The following FLRT1 variants were observed in gnomAD, a reference collection of about 807,000 sequenced individuals.
The protein encoded by FLRT1 is fibronectin leucine rich transmembrane protein 1, also known as leucine-rich repeat transmembrane protein FLRT1.
In FLRT1, 14 loss-of-function variants were observed where a neutral mutation model predicts 30.9. The observed-to-expected ratio is 0.45, with a 90% confidence interval of 0.30 to 0.71. The LOEUF (loss-of-function observed/expected upper bound fraction) is 0.71, where lower values mean the gene tolerates loss of function less well. Ranked by LOEUF, FLRT1 falls within the 30% of genes least tolerant of loss-of-function variation. FLRT1 has a pLI of 0.08. For synonymous variants in FLRT1, 368 were observed against 430.4 expected (o/e 0.85, Z 1.80); for missense variants, 737 against 949.2 (o/e 0.78, Z 2.94).
intron 2 of FLRT1, among the ~76,000 whole-genome samples, chr11:64,104,916 A>G (rs1011942758): frequency 6.6e-6 from 1 of 152,054 alleles, no homozygotes; most frequent in Non-Finnish European, 1.5e-5. Flanking sequence ...CAAAAACACA[A>G]ATCCCAGCAA....
chr11:64,061,582 G>A (rs1943904855), intron 1 of FLRT1, among the ~76,000 whole-genome samples: 1 of 152,212 alleles, frequency 6.6e-6, no homozygotes, highest in African/African-American at 2.4e-5. Context: ...TTGCTGCATT[G>A]GGTTATCTGT....
intron 2 of FLRT1, among the ~76,000 whole-genome samples, chr11:64,109,350 G>T (rs1944819827): frequency 6.6e-6 from 1 of 152,110 alleles, no homozygotes; most frequent in African/African-American, 2.4e-5. Context: ...TTTGCAGTTG[G>T]GTGTAGACAC....
intron 1 of FLRT1, among the ~76,000 whole-genome samples, chr11:64,057,091 C>T (rs797013345): frequency 1.4e-4 from 22 of 152,360 alleles, no homozygotes; most frequent in African/African-American, 5.3e-4. Context: ...CCAGCTCTCA[C>T]GAAACAGGGC....
chr11:64,112,884 C>T (rs552617390), intron 2 of FLRT1, among the ~76,000 whole-genome samples: 104 of 152,330 alleles, frequency 6.8e-4, no homozygotes, highest in African/African-American at 2.3e-3. Context: ...GTGAAGGGAA[C>T]GTTTGAGTGT....
intron 1 of FLRT1, among the ~76,000 whole-genome samples, chr11:64,083,362 G>A (rs758815387): frequency 1.2e-4 from 19 of 152,194 alleles, no homozygotes; most frequent in South Asian, 1.0e-3. Flanking sequence ...CTTGAACCCA[G>A]GAAGTGGAGA....
rs554871033 is a variant in FLRT1 at position 64,036,755 on chromosome 11, G to A, written c.-1038+596G>A. On this transcript the variant is annotated intron_variant, in intron 1 of 2. Coordinates refer to ENST00000682287, the MANE Select transcript of FLRT1 (RefSeq NM_013280.5). This position sits in a 1 kb window ranked among gnomAD's most constrained non-coding sequence, Gnocchi z 5.6. ...CCTGAGCCGGGCGGGGGCTGGGGCC[G>A]TACACCTGGCGGCTGGAACGGTGAG... Among the ~76,000 whole-genome samples the A allele has an allele frequency of 2.6e-5, 4 of 152,328 alleles. No individual in the cohort carries two copies. The South Asian group carries it at 8.3e-4, about 32-fold the overall frequency.
intron 1 of FLRT1, among the ~76,000 whole-genome samples, chr11:64,085,172 G>A (rs1944372281): frequency 6.6e-6 from 1 of 152,210 alleles, no homozygotes; most frequent in Admixed American, 6.5e-5. Context: ...AGGGCAGAGG[G>A]CAGCTTGGAG....
chr11:64,041,553 G>A (rs946262883), intron 1 of FLRT1, among the ~76,000 whole-genome samples: 12 of 152,102 alleles, frequency 7.9e-5, no homozygotes, highest in African/African-American at 2.9e-4. Flanking sequence ...GGTCGCAGAG[G>A]TGGGGCTTCG....
At chr11:64,112,441 G>C (rs1944879609) in intron 2 of FLRT1, among the ~76,000 whole-genome samples, 1 of 152,192 alleles carries the variant, frequency 6.6e-6, no homozygotes, top group Admixed American at 6.5e-5. Context: ...TTGAACCTGG[G>C]AGGCGGAGGT....
intron 1 of FLRT1, among the ~76,000 whole-genome samples, chr11:64,074,757 C>T (rs1467958503): frequency 6.6e-6 from 1 of 152,168 alleles, no homozygotes; most frequent in African/African-American, 2.4e-5. Context: ...GACCAGGCTC[C>T]AGGCTTCTCA....
intron 1 of FLRT1, among the ~76,000 whole-genome samples, chr11:64,097,703 C>T (rs1166321711): frequency 1.3e-5 from 2 of 152,236 alleles, no homozygotes; most frequent in Non-Finnish European, 2.9e-5. Context: ...CCCTGCTACT[C>T]GGGTGCCATG....
chr11:64,116,790 G>T lies in FLRT1; in HGVS notation c.523G>T (p.Asp175Tyr). The change falls in exon 3 of 3, where the codon GAC (aspartate) becomes TAC (tyrosine). Residue 175 changes from aspartate to tyrosine, a missense_variant. By Grantham distance (160) the Asp-to-Tyr change is radical (BLOSUM62 -3). Coordinates refer to ENST00000682287, the MANE Select transcript of FLRT1 (RefSeq NM_013280.5). ...TVSIEEDAFA[D>Y]SKQLKLLFLS... ...CAGCATTGAGGAGGACGCCTTCGCC[G>T]ACAGCAAACAGCTCAAGCTGCTCTT... 4 of 1,613,494 alleles carry T rather than the reference G, an allele frequency of 2.5e-6. No individual in the cohort carries two copies. Among genetic ancestry groups the T allele is most frequent in the South Asian group, 1.1e-5 (1 of 91,080 alleles).
rs553295022 is a variant in FLRT1, at chr11:64,106,247, C to T, written c.-50+2066C>T. Among the ~76,000 whole-genome samples the T allele has an allele frequency of 9.9e-5, 15 of 152,236 alleles. 1 individual carries two copies. In the East Asian group the frequency reaches 2.9e-3, roughly 29 times the overall value. ...ATCTGCTGCACAATCCAGACCTTTC[C>T]CTTTGCCTCTTTGGGCTGCTGTGGT... On this transcript the variant is annotated intron_variant, in intron 2 of 2. Coordinates refer to ENST00000682287, the MANE Select transcript of FLRT1 (RefSeq NM_013280.5).
chr11:64,044,970 G>A (rs1284194949), intron 1 of FLRT1, among the ~76,000 whole-genome samples: 1 of 152,236 alleles, frequency 6.6e-6, no homozygotes, highest in Non-Finnish European at 1.5e-5. Flanking sequence ...ATCAGGGAAG[G>A]CCTCATAGGG....
At chr11:64,062,851 C>T (rs1590856806) in intron 1 of FLRT1, among the ~76,000 whole-genome samples, 1 of 152,200 alleles carries the variant, frequency 6.6e-6, no homozygotes, top group African/African-American at 2.4e-5. Context: ...GCAGGGGCAC[C>T]TCCACCCCGG....
chr11:64,111,627 C>T (rs1004120852), intron 2 of FLRT1, among the ~76,000 whole-genome samples: 1 of 152,122 alleles, frequency 6.6e-6, no homozygotes, highest in Non-Finnish European at 1.5e-5. Context: ...TGTGTGTAGG[C>T]GGCAACCTCT....
intron 1 of FLRT1, among the ~76,000 whole-genome samples, chr11:64,049,706 C>T (rs952054044): frequency 6.6e-6 from 1 of 152,222 alleles, no homozygotes; most frequent in Non-Finnish European, 1.5e-5. Flanking sequence ...GCAGGCTGCA[C>T]ACCCCAGAGC....
chr11:64,073,668 T>C (rs1343823464), intron 1 of FLRT1, among the ~76,000 whole-genome samples: 1 of 152,184 alleles, frequency 6.6e-6, no homozygotes, highest in Non-Finnish European at 1.5e-5. Context: ...CTGTGAGGTC[T>C]GGCACATCAG....
At chr11:64,063,431 G>A (rs779347814) in intron 1 of FLRT1, among the ~76,000 whole-genome samples, 2 of 152,100 alleles carry the variant, frequency 1.3e-5, no homozygotes, top group Non-Finnish European at 2.9e-5. Flanking sequence ...GGGAGAGGAG[G>A]AGGACTTCCA....
Sources: gnomAD v4.1 joint callset for allele counts (sites outside exome capture counted in the v4.1 genomes callset) on GRCh38, gnomAD v4.1.1 for gene constraint, Gnocchi (gnomAD v3.1) non-coding constraint, MANE v1.5 for transcripts, NCBI Gene and HGNC (gene_info 2026-07-23, HGNC 2026-07-21) for gene names.